TRDN: variants seen among roughly 807,000 people sequenced by gnomAD.
The protein encoded by TRDN is triadin.
TRDN carries 161 observed loss-of-function variants against 149.7 expected under a neutral mutation model. The ratio of observed to expected loss-of-function variants is 1.08; its 90% CI spans 0.95 to 1.23. The LOEUF is 1.23. Among genes scored for constraint, TRDN ranks in the 50% most tolerant of loss-of-function variants. The pLI is 0.00. For missense variants in TRDN, 896 were observed against 823.5 expected, an observed-to-expected ratio of 1.09 and a Z score of -1.08; for synonymous variants, 294 against 250.5, an observed-to-expected ratio of 1.17 and a Z score of -1.64.
intron 2 of TRDN, among the ~76,000 whole-genome samples, chr6:123,562,379 C>T (rs1162123335): frequency 6.6e-6 from 1 of 152,118 alleles, no homozygotes; most frequent in African/African-American, 2.4e-5. Context: ...GGAGTTGTGG[C>T]CTTTGGAGGC....
chr6:123,277,796 C>A (rs1371436841), intron 26 of TRDN, among the ~76,000 whole-genome samples: 2 of 152,132 alleles, frequency 1.3e-5, no homozygotes, highest in Non-Finnish European at 2.9e-5. Flanking sequence ...TTTTAAGCCA[C>A]CCAGTTTGTG....
chr6:123,461,911 T>C (rs935859888), intron 10 of TRDN, among the ~76,000 whole-genome samples: 1 of 152,236 alleles, frequency 6.6e-6, no homozygotes, highest in African/African-American at 2.4e-5. Flanking sequence ...AGTGTCCCTT[T>C]GAACTTGTAG....
At chr6:123,442,653 GATA>G (rs1774993564) in intron 10 of TRDN, among the ~76,000 whole-genome samples, 1 of 151,094 alleles carries the variant, frequency 6.6e-6, no homozygotes, top group African/African-American at 2.4e-5. Flanking sequence ...GAAAAATAAT[GATA>G]ATAATGACAA....
At chr6:123,298,096 G>C (rs1032630532) in intron 24 of TRDN, among the ~76,000 whole-genome samples, 1 of 151,882 alleles carries the variant, frequency 6.6e-6, no homozygotes, top group African/African-American at 2.4e-5. Flanking sequence ...TTTGAGCTAA[G>C]AGCATTGTTT....
intron 35 of TRDN, 32 bp downstream of exon 35, chr6:123,259,592 T>G (rs1431005745): frequency 1.4e-6 from 2 of 1,393,642 alleles, no homozygotes; most frequent in Non-Finnish European, 9.8e-7. Flanking sequence ...TGTGGCTAAT[T>G]TGATGTATAT....
intron 38 of TRDN, among the ~76,000 whole-genome samples, chr6:123,225,252 A>G (rs1374102492): frequency 6.6e-6 from 1 of 151,722 alleles, no homozygotes. Context: ...AGGATTTAAG[A>G]GAAAAGGGAA....
chr6:123,612,431 G>A (rs1784866351), intron 1 of TRDN, among the ~76,000 whole-genome samples: 1 of 151,558 alleles, frequency 6.6e-6, no homozygotes. Context: ...TTTAAAAAAA[G>A]GAAATAAGAA....
chr6:123,232,368 G>T (rs901036568), intron 38 of TRDN, among the ~76,000 whole-genome samples: 2 of 152,028 alleles, frequency 1.3e-5, no homozygotes, highest in Admixed American at 6.6e-5. Context: ...TGAACTTGAG[G>T]TTAGCTATTT....
intron 1 of TRDN, among the ~76,000 whole-genome samples, chr6:123,617,969 T>C (rs913745908): frequency 6.6e-6 from 1 of 152,100 alleles, no homozygotes; most frequent in African/African-American, 2.4e-5. Flanking sequence ...ACTCCTGACC[T>C]CAGGTGATCC....
At chr6:123,584,741 T>A (rs185021058) in intron 1 of TRDN, among the ~76,000 whole-genome samples, 1 of 152,018 alleles carries the variant, frequency 6.6e-6, no homozygotes, top group Non-Finnish European at 1.5e-5. Context: ...GAGGCTGGGA[T>A]GAAGGGTGGA....
At position 123,218,440 on chromosome 6, in the gene TRDN, C is replaced by T. The variant is rs989928314; in HGVS notation, c.*161G>A. The stretch of plus-strand genomic sequence containing the variant: ...GACCCTTAAACATGTCTGCTCATCA[C>T]TCAATCCATTTGGCCACCCTTTCCG... On this transcript the variant is annotated 3_prime_UTR_variant, in exon 41 of 41. Coordinates refer to ENST00000334268, the MANE Select transcript of TRDN (RefSeq NM_006073.4). The T allele has an allele frequency of 1.4e-6, 1 of 717,202 alleles. No individual in the cohort carries two copies. The highest frequency in any genetic ancestry group is 2.2e-6 in the Non-Finnish European group (1 of 448,058). The allele number at this position is 717,202 out of a possible 1,614,324, so 44.4% of individuals were successfully genotyped here.
At chr6:123,477,632 T>A (rs1777552182) in intron 9 of TRDN, among the ~76,000 whole-genome samples, 1 of 151,884 alleles carries the variant, frequency 6.6e-6, no homozygotes, top group Non-Finnish European at 1.5e-5. Flanking sequence ...GTGGCATTAT[T>A]CACAGTAGCA....
intron 1 of TRDN, among the ~76,000 whole-genome samples, chr6:123,632,257 A>G (rs1375835862): frequency 6.6e-6 from 1 of 151,852 alleles, no homozygotes; most frequent in Non-Finnish European, 1.5e-5. Context: ...TCATCCCTCT[A>G]TTTCTTAAAA....
intron 38 of TRDN, among the ~76,000 whole-genome samples, chr6:123,235,810 C>T (rs9320920): frequency 6.6e-6 from 1 of 152,050 alleles, no homozygotes; most frequent in African/African-American, 2.4e-5. Flanking sequence ...CGTATGGAAC[C>T]TTTGGAGCTT....
At chr6:123,271,648 T>C (rs1777210120) in intron 29 of TRDN, among the ~76,000 whole-genome samples, 1 of 152,006 alleles carries the variant, frequency 6.6e-6, no homozygotes, top group African/African-American at 2.4e-5. Flanking sequence ...ACAAAGTTGA[T>C]GCCTTTGTGG....
intron 12 of TRDN, among the ~76,000 whole-genome samples, chr6:123,414,354 T>C (rs1241086275): frequency 1.3e-5 from 2 of 152,084 alleles, no homozygotes; most frequent in African/African-American, 2.4e-5. Flanking sequence ...ATAGGATATA[T>C]AGAAATATGT....
At chr6:123,536,933 T>G (rs1285063612) in intron 4 of TRDN, among the ~76,000 whole-genome samples, 3 of 151,774 alleles carry the variant, frequency 2.0e-5, no homozygotes, top group African/African-American at 7.3e-5. Flanking sequence ...CTGCAACAAT[T>G]GAAAGTTTTT....
At chr6:123,220,435 C>T (rs947258232) in intron 40 of TRDN, among the ~76,000 whole-genome samples, 5 of 151,876 alleles carry the variant, frequency 3.3e-5, no homozygotes, top group Middle Eastern at 3.4e-3. Context: ...ATTGGGAAAG[C>T]GTTGCTATAT....
At chr6:123,321,812 C>A (rs186364033) in intron 23 of TRDN, among the ~76,000 whole-genome samples, 4 of 151,860 alleles carry the variant, frequency 2.6e-5, no homozygotes, top group East Asian at 1.9e-4. Context: ...TAGATGGTAT[C>A]TGATTTCTTC....
Sources: gnomAD v4.1 joint callset for allele counts (sites outside exome capture counted in the v4.1 genomes callset) on GRCh38, gnomAD v4.1.1 for gene constraint, MANE v1.5 for transcripts, NCBI Gene and HGNC (gene_info 2026-07-23, HGNC 2026-07-21) for gene names.